Variants in COL2A1 observed in about 807,000 individuals in gnomAD.
COL2A1 encodes collagen alpha-1(II) chain.
COL2A1 carries 28 observed loss-of-function variants against 204.5 expected under a neutral mutation model. That is an observed-to-expected ratio of 0.14 (90% CI 0.10 to 0.19). COL2A1 has a LOEUF of 0.19. Ranked by LOEUF, COL2A1 falls within the 10% of genes least tolerant of loss-of-function variation. The pLI is 1.00. For synonymous variants in COL2A1, 708 were observed against 718.7 expected, an observed-to-expected ratio of 0.99 and a Z score of 0.24; for missense variants, 1,388 against 2,027.5, an observed-to-expected ratio of 0.68 and a Z score of 6.06.
chr12:47,999,876 A>G lies in COL2A1; in HGVS notation c.292+43T>C. 3 of 1,557,374 alleles carry G rather than the reference A, an allele frequency of 1.9e-6. No homozygotes were observed. In the South Asian group the frequency reaches 3.3e-5, roughly 17 times the overall value. On this transcript the variant is annotated intron_variant, in intron 2 of 53. Coordinates refer to ENST00000380518, the MANE Select transcript of COL2A1 (RefSeq NM_001844.5). The stretch of plus-strand genomic sequence containing the variant: ...ATGGGAGCGTGTTTGCAGTGCTTGC[A>G]AGTAATTTATTTATGTTGAACAGGA...
intron 11 of COL2A1, 24 bp from the exon 12 acceptor site, chr12:47,994,501 C>A: frequency 1.2e-6 from 2 of 1,613,026 alleles, no homozygotes; most frequent in Non-Finnish European, 1.7e-6. Context: ...GAGAGATATC[C>A]CAGCTTCCTC....
Position 47,987,362 on chromosome 12 carries a change from C to T in COL2A1, c.1222-49G>A, listed in dbSNP as rs780529876. 12 of 1,596,590 alleles carry T rather than the reference C, an allele frequency of 7.5e-6. No homozygotes were observed. The highest frequency in any genetic ancestry group is 5.0e-5 in the Admixed American group (3 of 59,504). On this transcript the variant is annotated intron_variant, in intron 19 of 53. Coordinates refer to ENST00000380518, the MANE Select transcript of COL2A1 (RefSeq NM_001844.5). The surrounding 1 kb of genome is among the most constrained non-coding windows in gnomAD (Gnocchi z 4.1). The stretch of plus-strand genomic sequence containing the variant: ...TAAGCAGCAAAGAATGAACCCCAAC[C>T]ACCTCCAGCCCTCCAGGATCCAGAT...
Position 47,975,551 on chromosome 12 carries a change from T to C in COL2A1, c.3652A>G (p.Ile1218Val), listed in dbSNP as rs374450416. The C allele has an allele frequency of 1.2e-4, 197 of 1,604,630 alleles. No individual in the cohort carries two copies. Among genetic ancestry groups the C allele is most frequent in the Non-Finnish European group, 1.6e-4 (193 of 1,179,946 alleles). ...PGPPGPPGPGIDMSAFAGLGP... is the reference protein window; with the variant it reads ...PGPPGPPGPGVDMSAFAGLGP... ...AAGCCAGCAAAGGCGGACATGTCGA[T>C]GCCAGGGCCAGGGGGACCTGGAGGA... Residue 1218 changes from isoleucine to valine, a missense_variant, in exon 51 of 54, where the codon ATC becomes GTC. Coordinates refer to ENST00000380518, the MANE Select transcript of COL2A1 (RefSeq NM_001844.5).
intron 51 of COL2A1, 31 bp downstream of exon 51, chr12:47,975,286 C>T (rs1308788038): frequency 1.5e-5 from 24 of 1,612,116 alleles, no homozygotes; most frequent in African/African-American, 4.0e-5. Context: ...CCCTGCTTCC[C>T]GGGGCAGGGG....
chr12:48,002,722 G>T (rs1793931), intron 1 of COL2A1: 115,795 of 152,220 alleles, frequency 0.76, 44,689 homozygotes, highest in Middle Eastern at 0.85. Context: ...GCTTGTAAAT[G>T]TAGTACAAAA....
In COL2A1 at chr12:47,987,772, G is replaced by A; in HGVS notation, c.1123-63C>T. On this transcript the variant is annotated intron_variant, in intron 18 of 53. Transcript: ENST00000380518. The surrounding 1 kb of genome is among the most constrained non-coding windows in gnomAD (Gnocchi z 4.1). ...GAGGGGACACAGACCTCTAGTGGGTGGGCAATAGCTCAGGGCCAGCTGCAA... is the reference window on the plus strand; with the variant it reads ...GAGGGGACACAGACCTCTAGTGGGTAGGCAATAGCTCAGGGCCAGCTGCAA... The A allele has an allele frequency of 2.3e-6, 3 of 1,316,396 alleles. No individual in the cohort carries two copies. Among genetic ancestry groups the A allele is most frequent in the South Asian group, 2.5e-5 (2 of 80,980 alleles). The allele number at this position is 1,316,396 out of a possible 1,614,324, so 81.5% of individuals were successfully genotyped here.
Position 47,978,153 on chromosome 12 carries a change from G to A in COL2A1, c.3004-36C>T. 2.5e-6 allele frequency: 4 copies of A among 1,597,956 alleles called. No homozygotes were observed. The highest frequency in any genetic ancestry group is 3.4e-6 in the Non-Finnish European group (4 of 1,169,336). On this transcript the variant is annotated intron_variant, in intron 43 of 53. Coordinates refer to ENST00000380518, the MANE Select transcript of COL2A1 (RefSeq NM_001844.5). The surrounding 1 kb of genome is among the most constrained non-coding windows in gnomAD (Gnocchi z 5.5). ...AGAGACAAGGATGATGAGTGCAAGT[G>A]GTAAGCACCCCTGCCCAGGGCCCAC...
At position 47,978,038 on chromosome 12, in the gene COL2A1, G is replaced by A. The variant is rs770907704; in HGVS notation, c.3083C>T (p.Thr1028Met). Residue 1028 changes from threonine (T) to methionine (M), a missense_variant, in exon 44 of 54, where the codon ACG (threonine) becomes ATG (methionine). By Grantham distance (81) the Thr-to-Met change is moderately conservative. Transcript: ENST00000380518. This position sits in a 1 kb window ranked among gnomAD's most constrained non-coding sequence, Gnocchi z 5.5. ...PPGPVGPPGL[T>M]GPAGEPGREG... ...TCGTCCAGGTTCACCTGCAGGACCCGTCAGGCCAGGAGGACCCACGGGGCC... is the reference window on the plus strand; with the variant it reads ...TCGTCCAGGTTCACCTGCAGGACCCATCAGGCCAGGAGGACCCACGGGGCC... 1.1e-5 allele frequency: 17 copies of A among 1,613,718 alleles called. No homozygotes were observed. Among genetic ancestry groups the A allele is most frequent in the Middle Eastern group, 1.6e-4 (1 of 6,062 alleles).
At chr12:47,986,642 C>G (rs758497747) in intron 22 of COL2A1, among the ~76,000 whole-genome samples, 193 bp downstream of exon 22, 16 of 152,304 alleles carry the variant, frequency 1.1e-4, no homozygotes, top group Middle Eastern at 3.4e-3. Flanking sequence ...TTCACACTAG[C>G]CAAACCAAGG....
chr12:47,989,174 A>T, intron 18 of COL2A1, 54 bp downstream of exon 18: 1 of 1,481,066 alleles, frequency 6.8e-7, no homozygotes, highest in African/African-American at 1.4e-5. Flanking sequence ...GGTTACGGGG[A>T]AAGGACAGCT....
rs17122498 is a variant in COL2A1, at chr12:47,974,681, G to A, written c.4068C>T (p.Gly1356=). The A allele has an allele frequency of 0.012, 19,396 of 1,614,106 alleles. 1,065 individuals are homozygous for A. The African/African-American group carries it at 0.14, about 12-fold the overall frequency. The change falls in exon 52 of 54, where the codon GGC becomes GGT. Residue 1356 remains glycine (G), a synonymous_variant. Transcript: ENST00000380518. ...AGGGCACCCAGGTACTCACATGGAA[G>A]CCACCATTGATGGTTTCTCCAAACC... ...HIWFGETING[G]FHFSYGDDNL...
intron 11 of COL2A1, 35 bp from the exon 12 acceptor site, chr12:47,994,512 A>G: frequency 6.2e-7 from 1 of 1,611,990 alleles, no homozygotes; most frequent in Non-Finnish European, 8.5e-7. Context: ...CAGCTTCCTC[A>G]GAGACGCAGT....
intron 22 of COL2A1, 147 bp from the exon 23 acceptor site, chr12:47,986,590 T>A: frequency 1.4e-6 from 1 of 714,996 alleles, no homozygotes; most frequent in East Asian, 2.7e-5. Context: ...GGACGAGCCA[T>A]GGCAGGGCAG....
At position 47,973,267 on chromosome 12, in the gene COL2A1, G is replaced by T. The variant is rs147803471; in HGVS notation, c.*140C>A. Reference sequence around the variant, plus strand: ...TCTCTTAGAAAGAGAGGGGAGAAAAGTCCGAACTGTGAGAGGGTGGGATGA... The same window carrying T: ...TCTCTTAGAAAGAGAGGGGAGAAAATTCCGAACTGTGAGAGGGTGGGATGA... On this transcript the variant is annotated 3_prime_UTR_variant, in exon 54 of 54. Coordinates refer to ENST00000380518, the MANE Select transcript of COL2A1 (RefSeq NM_001844.5). The T allele has an allele frequency of 1.0e-4, 116 of 1,111,818 alleles. 1 individual carries two copies. The East Asian group carries it at 2.7e-3, about 26-fold the overall frequency. 68.9% of individuals were successfully genotyped at this position (1,111,818 alleles called of 1,614,324 possible).
intron 40 of COL2A1, 23 bp downstream of exon 40, chr12:47,979,986 G>A (rs1031235295): frequency 1.3e-6 from 2 of 1,547,968 alleles, no homozygotes; most frequent in African/African-American, 1.4e-5. Flanking sequence ...GGTGCAGGGT[G>A]GGGTGTCAGA....
intron 26 of COL2A1, 55 bp from the exon 27 acceptor site, chr12:47,985,148 C>T: frequency 7.0e-7 from 1 of 1,436,818 alleles, no homozygotes. Flanking sequence ...CATCCATCCA[C>T]CCAACATCCA....
Position 47,993,441 on chromosome 12 carries a change from A to T in COL2A1, c.969+17T>A. The stretch of plus-strand genomic sequence containing the variant: ...AAGAGTCTTTGATAAACCTTCCTGG[A>T]GGGTGTCCATACTTACCATTGGGCC... On this transcript the variant is annotated intron_variant, in intron 15 of 53. Coordinates refer to ENST00000380518, the MANE Select transcript of COL2A1 (RefSeq NM_001844.5). 6.2e-7 allele frequency: 1 copy of T among 1,600,434 alleles called. No homozygotes were observed. Among genetic ancestry groups the T allele is most frequent in the Non-Finnish European group, 8.6e-7 (1 of 1,167,504 alleles).
At chr12:47,984,049 C>T (rs757315921) in intron 29 of COL2A1, 38 bp downstream of exon 29, 12 of 1,585,552 alleles carry the variant, frequency 7.6e-6, no homozygotes, top group Middle Eastern at 1.8e-4. Context: ...CCAGCCCCTG[C>T]CCCCAGGGCC....
At position 47,984,853 on chromosome 12, in the gene COL2A1, C is replaced by T. The variant is rs553350717; in HGVS notation, c.1833+142G>A. 2.8e-4 allele frequency: 223 copies of T among 806,018 alleles called. 1 individual carries two copies. In the African/African-American group the frequency reaches 3.3e-3, roughly 12 times the overall value. 49.9% of individuals were successfully genotyped at this position (806,018 alleles called of 1,614,324 possible). ...GATTTTCCCCAAATCACATACAGAC[C>T]CCCACTGCCACCCATGGCACAGGAG... On this transcript the variant is annotated intron_variant, in intron 27 of 53. Coordinates refer to ENST00000380518, the MANE Select transcript of COL2A1 (RefSeq NM_001844.5).
Sources: gnomAD v4.1 joint callset for allele counts (sites outside exome capture counted in the v4.1 genomes callset) on GRCh38, gnomAD v4.1.1 for gene constraint, Gnocchi (gnomAD v3.1) non-coding constraint, MANE v1.5 for transcripts, NCBI Gene and HGNC (gene_info 2026-07-23, HGNC 2026-07-21) for gene names.